Variants in PHACTR4 observed in about 807,000 individuals in gnomAD.
The protein encoded by PHACTR4 is phosphatase and actin regulator 4.
A neutral mutation model predicts 72.7 loss-of-function variants in PHACTR4; 51 were observed. That is an observed-to-expected ratio of 0.70 (90% CI 0.56 to 0.89). The LOEUF is 0.89. Ranked by LOEUF, PHACTR4 falls within the 40% of genes least tolerant of loss-of-function variation. The pLI is 0.00. For missense variants in PHACTR4, 731 were observed against 861.8 expected (o/e 0.85, Z 1.90); for synonymous variants, 255 against 302.5 (o/e 0.84, Z 1.63).
intron 2 of PHACTR4, among the ~76,000 whole-genome samples, chr1:28,439,437 G>A (rs554865842): frequency 5.8e-4 from 88 of 152,216 alleles, no homozygotes; most frequent in Admixed American, 9.2e-4. Context: ...GAGCTTCCTA[G>A]ATGAAATATC....
intron 4 of PHACTR4, among the ~76,000 whole-genome samples, chr1:28,461,376 G>T (rs1204007354): frequency 6.6e-6 from 1 of 152,100 alleles, no homozygotes; most frequent in East Asian, 1.9e-4. Flanking sequence ...AGGAGGCAGA[G>T]GTTGCAGTGA....
Position 28,498,451 on chromosome 1 carries a change from T to C in PHACTR4, c.*1902T>C, listed in dbSNP as rs1342361662. 3 of 152,286 alleles carry C rather than the reference T, an allele frequency of 2.0e-5. No individual in the cohort carries two copies. Among genetic ancestry groups the C allele is most frequent in the Non-Finnish European group, 4.4e-5 (3 of 68,048 alleles). The allele number at this position is 152,286 out of a possible 1,614,324, so 9.4% of individuals were successfully genotyped here. ...GCATTGACTCAGCCCCCCTGCTTTC[T>C]GCATTTGTAATAGATATTAATATGA... On this transcript the variant is annotated 3_prime_UTR_variant, in exon 14 of 14. Coordinates refer to ENST00000373839, the MANE Select transcript of PHACTR4 (RefSeq NM_001048183.3).
chr1:28,382,245 A>G (rs781196321), intron 1 of PHACTR4, among the ~76,000 whole-genome samples: 2 of 151,774 alleles, frequency 1.3e-5, no homozygotes, highest in Non-Finnish European at 2.9e-5. Flanking sequence ...GAGCTCTTTA[A>G]TTAGACCCCA....
At chr1:28,486,967 A>T (rs967300535) in intron 9 of PHACTR4, among the ~76,000 whole-genome samples, 3 of 152,124 alleles carry the variant, frequency 2.0e-5, no homozygotes, top group African/African-American at 4.8e-5. Flanking sequence ...ATTTGAGACC[A>T]GCCTGGGCAA....
chr1:28,498,550 T>G lies in PHACTR4; in HGVS notation c.*2001T>G, dbSNP rs542181608. 1 of 152,354 alleles carries G rather than the reference T, an allele frequency of 6.6e-6. No homozygotes were observed. The highest frequency in any genetic ancestry group is 2.4e-5 in the African/African-American group (1 of 41,588). The allele number at this position is 152,354 out of a possible 1,614,324, so 9.4% of individuals were successfully genotyped here. A position where few individuals can be genotyped will look rare whatever the true frequency, so the allele number is the denominator to read the frequency against. On this transcript the variant is annotated 3_prime_UTR_variant, in exon 14 of 14. Coordinates refer to ENST00000373839, the MANE Select transcript of PHACTR4 (RefSeq NM_001048183.3). ...ACCATACAGTCTCACTGTTTTGCTT[T>G]AATTCCTATCCACACTATAAATGGA...
chr1:28,444,243 T>TTTTTTTTTTTC (rs1553194313), intron 2 of PHACTR4, among the ~76,000 whole-genome samples: 1 of 97,422 alleles, frequency 1.0e-5, no homozygotes, highest in Non-Finnish European at 2.1e-5. Flanking sequence ...TTTTTTTTTT[T>TTTTTTTTTTTC]TGAGACAGAG....
chr1:28,459,084 GAGGAAGCAGACC>G lies in PHACTR4; in HGVS notation c.19_30del (p.Glu7_Gln10del). The G allele has an allele frequency of 6.3e-7, 1 of 1,591,194 alleles. No individual in the cohort carries two copies. The highest frequency in any genetic ancestry group is 8.5e-7 in the Non-Finnish European group (1 of 1,170,050). ...TTCCCTCTCTTCTTTTCATGTAACA[GAGGAAGCAGACC>G]AGCCCACTACAGAGCCAGGCATGGT... On this transcript the variant is annotated inframe_deletion and splice_region_variant, in exon 3 of 14. Transcript: ENST00000373839.
chr1:28,439,387 G>A (rs1361039611), intron 2 of PHACTR4, among the ~76,000 whole-genome samples: 2 of 152,008 alleles, frequency 1.3e-5, no homozygotes, highest in Admixed American at 6.6e-5. Flanking sequence ...GTTTCATAAT[G>A]TAGTGAGATT....
At chr1:28,449,771 G>C (rs1657801989) in intron 2 of PHACTR4, among the ~76,000 whole-genome samples, 1 of 151,770 alleles carries the variant, frequency 6.6e-6, no homozygotes, top group Admixed American at 6.6e-5. Context: ...AGAATCCCTT[G>C]AACCCAGGAG....
At chr1:28,429,100 A>T (rs542191424) in intron 2 of PHACTR4, among the ~76,000 whole-genome samples, 1 of 152,334 alleles carries the variant, frequency 6.6e-6, no homozygotes, top group Admixed American at 6.5e-5. Context: ...CCAGTGAGCT[A>T]GCCACATAAA....
At chr1:28,381,977 A>C (rs1186527109) in intron 1 of PHACTR4, among the ~76,000 whole-genome samples, 1 of 151,988 alleles carries the variant, frequency 6.6e-6, no homozygotes, top group Non-Finnish European at 1.5e-5. Flanking sequence ...CATGTTGGCC[A>C]GGCTGGTCTC....
intron 2 of PHACTR4, chr1:28,453,737 G>A: frequency 8.9e-7 from 1 of 1,129,908 alleles, no homozygotes; most frequent in Non-Finnish European, 1.3e-6. Flanking sequence ...GTTAGATCCT[G>A]AAGTTACAGA....
chr1:28,438,491 G>T, intron 2 of PHACTR4: 1 of 1,570,452 alleles, frequency 6.4e-7, no homozygotes, highest in South Asian at 1.1e-5. Context: ...ATTTACAGGT[G>T]AACTTGAGTA....
intron 1 of PHACTR4, among the ~76,000 whole-genome samples, chr1:28,379,703 C>T (rs1306575073): frequency 6.6e-6 from 1 of 151,582 alleles, no homozygotes; most frequent in Non-Finnish European, 1.5e-5. Flanking sequence ...CATTCTCCTG[C>T]CTCAGCCTCC....
Position 28,420,010 on chromosome 1 carries a change from G to A in PHACTR4, c.16+12547G>A, listed in dbSNP as rs549970860. Among the ~76,000 whole-genome samples, 8 of 152,238 alleles carry A rather than the reference G, an allele frequency of 5.3e-5. No individual in the cohort carries two copies. The South Asian group carries it at 1.5e-3, about 28-fold the overall frequency. The stretch of plus-strand genomic sequence containing the variant: ...AGGCCAGATGCAGTGGCTCACACCT[G>A]TAATCCCAGTGCTTTGGGAGGCTGA... On this transcript the variant is annotated intron_variant, in intron 2 of 13. Transcript: ENST00000373839.
intron 2 of PHACTR4, among the ~76,000 whole-genome samples, chr1:28,417,449 C>G (rs966435494): frequency 2.6e-5 from 4 of 152,144 alleles, no homozygotes; most frequent in Non-Finnish European, 4.4e-5. Flanking sequence ...TACTTGAACA[C>G]AAGCACTGCA....
chr1:28,397,603 T>G (rs1276640256), intron 1 of PHACTR4, among the ~76,000 whole-genome samples: 3 of 152,198 alleles, frequency 2.0e-5, no homozygotes, highest in Admixed American at 2.0e-4. Context: ...CTGAGTAGAT[T>G]AATTTATATT....
At chr1:28,411,788 C>T (rs1376506429) in intron 2 of PHACTR4, among the ~76,000 whole-genome samples, 18 of 151,204 alleles carry the variant, frequency 1.2e-4, no homozygotes, top group Admixed American at 1.2e-3. Flanking sequence ...TACCCATTCC[C>T]CAAAACCTAT....
chr1:28,452,390 C>T (rs754335654), intron 2 of PHACTR4, among the ~76,000 whole-genome samples: 4 of 152,168 alleles, frequency 2.6e-5, no homozygotes, highest in Non-Finnish European at 5.9e-5. Context: ...CCTGTTGTCC[C>T]AGCTACTCAG....
Sources: gnomAD v4.1 joint callset for allele counts (sites outside exome capture counted in the v4.1 genomes callset) on GRCh38, gnomAD v4.1.1 for gene constraint, MANE v1.5 for transcripts, NCBI Gene and HGNC (gene_info 2026-07-23, HGNC 2026-07-21) for gene names.